NECAB1: variants seen among roughly 807,000 people sequenced by gnomAD.
NECAB1 encodes the protein N-terminal EF-hand calcium-binding protein 1.
Under a neutral mutation model 57.5 loss-of-function variants are expected in NECAB1, and 29 were observed. That is an observed-to-expected ratio of 0.50 (90% confidence interval 0.38 to 0.69). The LOEUF is 0.69. Among genes scored for constraint, NECAB1 ranks in the 30% least tolerant of loss-of-function variants. The pLI is 0.00. For synonymous variants in NECAB1, 142 were observed against 147.7 expected, an observed-to-expected ratio of 0.96 and a Z score of 0.28; for missense variants, 372 against 413.8, an observed-to-expected ratio of 0.90 and a Z score of 0.88.
At chr8:90,856,451 G>A (rs186837986) in intron 3 of NECAB1, among the ~76,000 whole-genome samples, 10 of 152,192 alleles carry the variant, frequency 6.6e-5, no homozygotes, top group Admixed American at 2.0e-4. Context: ...TTAAAAACAA[G>A]ATCAGCTTTA....
intron 2 of NECAB1, among the ~76,000 whole-genome samples, chr8:90,804,140 C>T (rs539049618): frequency 2.4e-4 from 37 of 152,252 alleles, no homozygotes; most frequent in Admixed American, 8.5e-4. Flanking sequence ...GCTCAATAGA[C>T]ATTTGTTTAA....
At chr8:90,846,885 A>T (rs1440457233) in intron 3 of NECAB1, among the ~76,000 whole-genome samples, 1 of 152,304 alleles carries the variant, frequency 6.6e-6, no homozygotes, top group East Asian at 1.9e-4. Context: ...CCCTCCCATG[A>T]CATATGGGGA....
intron 3 of NECAB1, among the ~76,000 whole-genome samples, chr8:90,857,319 A>G (rs1431783670): frequency 6.6e-6 from 1 of 152,182 alleles, no homozygotes; most frequent in African/African-American, 2.4e-5. Flanking sequence ...TTATGATACT[A>G]TATATAATTA....
chr8:90,824,758 G>T lies in NECAB1; in HGVS notation c.166G>T (p.Ala56Ser), dbSNP rs201273656. Residue 56 changes from alanine (A) to serine (S), a missense_variant, in exon 3 of 13, where the codon GCA becomes TCA. Ala to Ser is a moderately conservative substitution (Grantham distance 99). Coordinates refer to ENST00000417640, the MANE Select transcript of NECAB1 (RefSeq NM_022351.5). ...CTTTGAAGAATTCAAAGCATATTTT[G>T]CAGATGGTGTTCTCAGTGGAGAAGA... ...LSFEEFKAYF[A>S]DGVLSGEELH... The T allele has an allele frequency of 1.9e-6, 3 of 1,552,184 alleles. No individual in the cohort carries two copies. Among genetic ancestry groups the T allele is most frequent in the Admixed American group, 1.9e-5 (1 of 51,698 alleles).
chr8:90,815,938 T>C (rs1229753479), intron 2 of NECAB1, among the ~76,000 whole-genome samples: 1 of 151,934 alleles, frequency 6.6e-6, no homozygotes, highest in East Asian at 1.9e-4. Context: ...CACCTAGGAA[T>C]GTGATTGCTA....
intron 5 of NECAB1, among the ~76,000 whole-genome samples, chr8:90,891,700 C>CT (rs558775895): frequency 1.9e-3 from 266 of 143,216 alleles, no homozygotes; most frequent in Middle Eastern, 7.0e-3. Flanking sequence ...TTTTCTTTTT[C>CT]TTTTTTTTTT....
intron 2 of NECAB1, among the ~76,000 whole-genome samples, chr8:90,820,706 G>C (rs1812130284): frequency 6.8e-6 from 1 of 147,418 alleles, no homozygotes; most frequent in Non-Finnish European, 1.5e-5. Flanking sequence ...AGAAGCACTA[G>C]TTTTAAGATT....
chr8:90,862,650 T>C (rs1300772324), intron 3 of NECAB1, among the ~76,000 whole-genome samples: 2 of 152,146 alleles, frequency 1.3e-5, no homozygotes, highest in East Asian at 3.8e-4. Context: ...TATGTTTGAA[T>C]TAATATGTTT....
intron 2 of NECAB1, among the ~76,000 whole-genome samples, chr8:90,812,435 G>A (rs1811976341): frequency 6.6e-6 from 1 of 152,050 alleles, no homozygotes; most frequent in African/African-American, 2.4e-5. Flanking sequence ...GACATTAAAC[G>A]GATTTTTTTC....
chr8:90,889,011 C>T (rs1446507155), intron 5 of NECAB1, among the ~76,000 whole-genome samples: 1 of 152,176 alleles, frequency 6.6e-6, no homozygotes, highest in African/African-American at 2.4e-5. Context: ...AGCCTAGTTT[C>T]TGACAGTATG....
At position 90,955,564 on chromosome 8, in the gene NECAB1, T is replaced by C. The variant is rs1811016401; in HGVS notation, c.*52T>C. The C allele has an allele frequency of 2.9e-6, 4 of 1,386,810 alleles. No homozygotes were observed. Among genetic ancestry groups the C allele is most frequent in the African/African-American group, 1.5e-5 (1 of 68,538 alleles). The allele number at this position is 1,386,810 out of a possible 1,614,324, so 85.9% of individuals were successfully genotyped here. A position where few individuals can be genotyped will look rare whatever the true frequency, so the allele number is the denominator to read the frequency against. ...TCCAAGTGCAAAACAGGTGTTCTTA[T>C]CTAAAACGTCAATTAGAAAATTATC... On this transcript the variant is annotated 3_prime_UTR_variant, in exon 13 of 13. Transcript: ENST00000417640.
At chr8:90,818,225 C>G (rs1812090192) in intron 2 of NECAB1, among the ~76,000 whole-genome samples, 1 of 151,858 alleles carries the variant, frequency 6.6e-6, no homozygotes, top group Non-Finnish European at 1.5e-5. Context: ...GTCTATCAAT[C>G]TTTTCAATCA....
chr8:90,883,183 TA>T (rs535923534), intron 5 of NECAB1, among the ~76,000 whole-genome samples: 1 of 152,064 alleles, frequency 6.6e-6, no homozygotes, highest in Non-Finnish European at 1.5e-5. Flanking sequence ...CACTGACCCT[TA>T]AAAATGCATG....
chr8:90,947,392 CTTT>C (rs760323596), intron 10 of NECAB1, among the ~76,000 whole-genome samples: 3 of 121,830 alleles, frequency 2.5e-5, no homozygotes, highest in African/African-American at 6.4e-5. Context: ...CATGTAACTT[CTTT>C]TTTTTTTTTT....
chr8:90,847,745 C>T (rs867323944), intron 3 of NECAB1, among the ~76,000 whole-genome samples: 1 of 152,244 alleles, frequency 6.6e-6, no homozygotes, highest in Admixed American at 6.5e-5. Flanking sequence ...GGGGCTTGCA[C>T]CCTCAAAAGC....
At chr8:90,823,669 C>T (rs1812181240) in intron 2 of NECAB1, among the ~76,000 whole-genome samples, 1 of 151,764 alleles carries the variant, frequency 6.6e-6, no homozygotes, top group Non-Finnish European at 1.5e-5. Context: ...AAGACAAATT[C>T]CACTTTGTTC....
chr8:90,945,678 T>A (rs1442612277), intron 10 of NECAB1, among the ~76,000 whole-genome samples: 1 of 152,168 alleles, frequency 6.6e-6, no homozygotes, highest in East Asian at 1.9e-4. Context: ...CCGTCCATTA[T>A]GGGCAGTTTC....
chr8:90,864,590 C>T (rs901409228), intron 3 of NECAB1, among the ~76,000 whole-genome samples: 1 of 152,072 alleles, frequency 6.6e-6, no homozygotes, highest in African/African-American at 2.4e-5. Context: ...CATTGACTTG[C>T]ATAAGTGGAG....
intron 3 of NECAB1, among the ~76,000 whole-genome samples, chr8:90,861,520 C>A (rs559685195): frequency 6.6e-6 from 1 of 152,080 alleles, no homozygotes; most frequent in South Asian, 2.1e-4. Flanking sequence ...GTAATCAATT[C>A]CATATGGTTA....
Sources: gnomAD v4.1 joint callset for allele counts (sites outside exome capture counted in the v4.1 genomes callset) on GRCh38, gnomAD v4.1.1 for gene constraint, MANE v1.5 for transcripts, NCBI Gene and HGNC (gene_info 2026-07-23, HGNC 2026-07-21) for gene names.